PDE1A: variants seen among roughly 807,000 people sequenced by gnomAD.
PDE1A encodes the protein phosphodiesterase 1A.
Under a neutral mutation model 61.7 loss-of-function variants are expected in PDE1A, and 35 were observed. The ratio of observed to expected loss-of-function variants is 0.57; its 90% CI spans 0.43 to 0.75. The LOEUF (loss-of-function observed/expected upper bound fraction) is 0.75. PDE1A is among the 30% of genes least tolerant of loss of function. The pLI, the probability that PDE1A is intolerant of heterozygous loss-of-function variation, is 0.00. For missense variants in PDE1A, 597 were observed against 630.6 expected (o/e 0.95, Z 0.57); for synonymous variants, 232 against 213.2 (o/e 1.09, Z -0.77).
the PDE1A span, among the ~76,000 whole-genome samples, chr2:182,633,995 G>A: frequency 7.9e-5 from 12 of 151,954 alleles, no homozygotes; most frequent in Non-Finnish European, 1.5e-4. Context: ...AAGCTGAGGC[G>A]GGAGGATCCT....
chr2:182,340,245 A>G (rs968229321), intron 1 of PDE1A, among the ~76,000 whole-genome samples: 1 of 152,156 alleles, frequency 6.6e-6, no homozygotes, highest in Non-Finnish European at 1.5e-5. Context: ...ATTATATCCA[A>G]TTTAAATGTT....
intron 2 of PDE1A, among the ~76,000 whole-genome samples, chr2:182,497,629 A>G (rs1192618074): frequency 1.3e-5 from 2 of 152,158 alleles, no homozygotes; most frequent in South Asian, 2.1e-4. Flanking sequence ...TAGAACAGAC[A>G]CAAAAAGGCT....
intron 1 of PDE1A, among the ~76,000 whole-genome samples, chr2:182,394,149 C>T (rs534512908): frequency 9.9e-5 from 15 of 152,192 alleles, no homozygotes; most frequent in East Asian, 7.7e-4. Context: ...TCCATTCTCA[C>T]GCTGCTAATA....
chr2:182,538,929 A>G, the PDE1A span, among the ~76,000 whole-genome samples: 10,067 of 152,302 alleles, frequency 0.066, 360 homozygotes, highest in Middle Eastern at 0.1. Context: ...CCTCAGGTCC[A>G]TACCTAAGAT....
chr2:182,388,892 A>T (rs1381789966), intron 1 of PDE1A, among the ~76,000 whole-genome samples: 1 of 152,088 alleles, frequency 6.6e-6, no homozygotes, highest in Non-Finnish European at 1.5e-5. Context: ...TAATATCAAC[A>T]AACCTATAGC....
intron 13 of PDE1A, among the ~76,000 whole-genome samples, chr2:182,148,154 G>T (rs1028894122): frequency 1.3e-5 from 2 of 152,134 alleles, no homozygotes; most frequent in African/African-American, 4.8e-5. Flanking sequence ...ATCACATTAA[G>T]TTGCCAAAAT....
the PDE1A span, among the ~76,000 whole-genome samples, chr2:182,541,393 T>C: frequency 3.3e-5 from 5 of 152,340 alleles, no homozygotes; most frequent in African/African-American, 9.6e-5. Context: ...TTAGATCTAT[T>C]CCCAGTCTTA....
chr2:182,663,921 C>A, the PDE1A span, among the ~76,000 whole-genome samples: 3 of 151,896 alleles, frequency 2.0e-5, no homozygotes, highest in East Asian at 5.8e-4. Context: ...ATTAAGAGTC[C>A]CCATTTTCTA....
chr2:182,318,111 A>C lies in PDE1A; in HGVS notation c.54-53697T>G, dbSNP rs557058518. On this transcript the variant is annotated intron_variant, in intron 1 of 13. Transcript: ENST00000351439. ...TTTCTTTTAAATACACCAGATTCTC[A>C]AACATTTAAAACCTTTCTCTACTTT... Among the ~76,000 whole-genome samples the C allele has an allele frequency of 2.4e-4, 37 of 152,244 alleles. No homozygotes were observed. In the South Asian group the frequency reaches 6.4e-3, roughly 26 times the overall value.
At chr2:182,332,242 C>T (rs987202906) in intron 1 of PDE1A, among the ~76,000 whole-genome samples, 1 of 152,182 alleles carries the variant, frequency 6.6e-6, no homozygotes, top group African/African-American at 2.4e-5. Flanking sequence ...TTCTACTTAG[C>T]AATTCCTCTA....
chr2:182,632,025 G>A, the PDE1A span, among the ~76,000 whole-genome samples: 9 of 152,056 alleles, frequency 5.9e-5, no homozygotes, highest in South Asian at 2.1e-4. Context: ...TTTTCATACC[G>A]ATTTTAAACA....
intron 1 of PDE1A, among the ~76,000 whole-genome samples, chr2:182,339,905 T>C (rs566575355): frequency 2.0e-5 from 3 of 152,158 alleles, no homozygotes; most frequent in African/African-American, 7.2e-5. Context: ...TAAACCCAAT[T>C]TACTTAGGGC....
chr2:182,149,453 C>T (rs1012832200), intron 13 of PDE1A, among the ~76,000 whole-genome samples: 1 of 152,152 alleles, frequency 6.6e-6, no homozygotes, highest in African/African-American at 2.4e-5. Flanking sequence ...CTATGATAAA[C>T]TCAAGATAAG....
intron 1 of PDE1A, among the ~76,000 whole-genome samples, chr2:182,296,710 T>C (rs1375309219): frequency 6.6e-6 from 1 of 152,212 alleles, no homozygotes; most frequent in African/African-American, 2.4e-5. Context: ...CAACTTGACA[T>C]AGAGTGCTCA....
intron 13 of PDE1A, among the ~76,000 whole-genome samples, chr2:182,170,815 T>C (rs1336401702): frequency 6.6e-6 from 1 of 151,992 alleles, no homozygotes; most frequent in Non-Finnish European, 1.5e-5. Flanking sequence ...TTGGCATTAA[T>C]ACCAACATAA....
the PDE1A span, among the ~76,000 whole-genome samples, chr2:182,542,714 G>A: frequency 6.2e-4 from 94 of 152,186 alleles, no homozygotes; most frequent in African/African-American, 2.0e-3. Flanking sequence ...ACGGGTTTAC[G>A]TCAACGAATG....
intron 2 of PDE1A, among the ~76,000 whole-genome samples, chr2:182,518,270 T>C (rs1690341827): frequency 6.6e-6 from 1 of 152,176 alleles, no homozygotes; most frequent in African/African-American, 2.4e-5. Flanking sequence ...TGCTACATCC[T>C]CTTGGTGATA....
At chr2:182,627,501 A>T in the PDE1A span, among the ~76,000 whole-genome samples, 6 of 146,930 alleles carry the variant, frequency 4.1e-5, no homozygotes, top group African/African-American at 7.6e-5. Context: ...TGCTCCAACA[A>T]ATAGCTTATT....
In PDE1A at chr2:182,362,409, A is replaced by C. The variant is rs547648576; in HGVS notation, c.53+64169T>G. 2.6e-5 allele frequency among the ~76,000 whole-genome samples: 4 copies of C among 152,116 alleles called. No homozygotes were observed. In the South Asian group the frequency reaches 8.3e-4, roughly 32 times the overall value. On this transcript the variant is annotated intron_variant, in intron 1 of 13. Coordinates refer to ENST00000351439, the Ensembl canonical transcript of PDE1A. Reference sequence around the variant, plus strand: ...GTAGCCATCTCACACTAAGACAGGAACAGGTGATTACAAAATTTAAACAAT... The same window carrying C: ...GTAGCCATCTCACACTAAGACAGGACCAGGTGATTACAAAATTTAAACAAT...
Sources: gnomAD v4.1 joint callset for allele counts (sites outside exome capture counted in the v4.1 genomes callset) on GRCh38, gnomAD v4.1.1 for gene constraint, MANE v1.5 for transcripts, NCBI Gene and HGNC (gene_info 2026-07-23, HGNC 2026-07-21) for gene names.